Variants in TRIO observed in about 807,000 individuals in gnomAD.
The protein encoded by TRIO is trio Rho guanine nucleotide exchange factor, also known as triple functional domain protein.
In TRIO, 58 loss-of-function variants were observed where a neutral mutation model predicts 351.9. That is an observed-to-expected ratio of 0.16 (90% confidence interval 0.13 to 0.21). The LOEUF (loss-of-function observed/expected upper bound fraction) is 0.21. Among genes scored for constraint, TRIO ranks in the 10% least tolerant of loss-of-function variants. TRIO has a pLI of 1.00. For missense variants in TRIO, 3,201 were observed against 4,027.8 expected, an observed-to-expected ratio of 0.79 and a Z score of 5.56; for synonymous variants, 1,758 against 1,595.7, an observed-to-expected ratio of 1.10 and a Z score of -2.42.
chr5:14,325,450 G>A (rs924046113), intron 9 of TRIO, among the ~76,000 whole-genome samples: 7 of 152,188 alleles, frequency 4.6e-5, no homozygotes, highest in Non-Finnish European at 1.0e-4. Flanking sequence ...AGAAGCAAGA[G>A]AAAAAGGAGG....
At chr5:14,240,144 G>A (rs1794039782) in intron 1 of TRIO, among the ~76,000 whole-genome samples, 1 of 152,192 alleles carries the variant, frequency 6.6e-6, no homozygotes, top group South Asian at 2.1e-4. Flanking sequence ...AATAAAAAGA[G>A]TTAAAGGGAC....
chr5:14,378,003 T>C lies in TRIO; in HGVS notation c.3332-9T>C, dbSNP rs1287309810. The C allele has an allele frequency of 1.2e-6, 2 of 1,602,072 alleles. No individual in the cohort carries two copies. The highest frequency in any genetic ancestry group is 1.1e-5 in the South Asian group (1 of 88,668). Reference sequence around the variant, plus strand: ...GCACCAACATACATCATTTTCTTTTTTCTCTCAGATATCTTGAATGAACTC... The same window carrying C: ...GCACCAACATACATCATTTTCTTTTCTCTCTCAGATATCTTGAATGAACTC... On this transcript the variant is annotated splice_polypyrimidine_tract_variant and intron_variant, in intron 19 of 56. Transcript: ENST00000344204.
At chr5:14,163,380 A>G (rs915519167) in intron 1 of TRIO, among the ~76,000 whole-genome samples, 6 of 152,152 alleles carry the variant, frequency 3.9e-5, no homozygotes, top group Non-Finnish European at 7.3e-5. Flanking sequence ...ATAGTATTCT[A>G]TGGTGTAAAT....
At chr5:14,350,876 G>A (rs1743021755) in intron 11 of TRIO, among the ~76,000 whole-genome samples, 1 of 152,116 alleles carries the variant, frequency 6.6e-6, no homozygotes, top group African/African-American at 2.4e-5. Context: ...GTTGGTGGGG[G>A]CAGGGATGGT....
In TRIO at chr5:14,504,423, T is replaced by C. The variant is rs1757518322; in HGVS notation, c.8442T>C (p.Asp2814=). 1.2e-6 allele frequency: 2 copies of C among 1,613,982 alleles called. No homozygotes were observed. Among genetic ancestry groups the C allele is most frequent in the African/African-American group, 1.3e-5 (1 of 74,974 alleles). The change falls in exon 55 of 57, where the codon GAT becomes GAC. Residue 2814 remains aspartate (D), a synonymous_variant. Transcript: ENST00000344204. ...RGRFSVVKKC[D]QKGTKRAVAT... Reference sequence around the variant, plus strand: ...GATTCTCTGTCGTTAAGAAATGTGATCAGAAAGGAACCAAGCGAGCAGTGG... The same window carrying C: ...GATTCTCTGTCGTTAAGAAATGTGACCAGAAAGGAACCAAGCGAGCAGTGG...
chr5:14,498,210 C>T lies in TRIO; in HGVS notation c.8169C>T (p.His2723=). ...CAATTACCTGGAAGGGCCCTGAACA[C>T]AACACCTTGAACAACGATGGTCACT... ...KASITWKGPE[H]NTLNNDGHYS... Residue 2723 remains histidine, a synonymous_variant, in exon 52 of 57, where the codon CAC becomes CAT. Transcript: ENST00000344204. The T allele has an allele frequency of 6.2e-7, 1 of 1,614,244 alleles. No individual in the cohort carries two copies. Among genetic ancestry groups the T allele is most frequent in the South Asian group, 1.1e-5 (1 of 91,090 alleles).
At chr5:14,443,457 G>A (rs1158263705) in intron 34 of TRIO, among the ~76,000 whole-genome samples, 2 of 152,206 alleles carry the variant, frequency 1.3e-5, no homozygotes, top group South Asian at 2.1e-4. Context: ...TTGATTATGG[G>A]GAAATACATA....
intron 1 of TRIO, among the ~76,000 whole-genome samples, chr5:14,255,481 G>C (rs992844138): frequency 6.6e-6 from 1 of 152,326 alleles, no homozygotes; most frequent in Admixed American, 6.5e-5. Context: ...AACTCAGCAC[G>C]CACATCAATG....
In TRIO at chr5:14,406,575, A is replaced by T. The variant is rs751338228; in HGVS notation, c.4862A>T (p.Asp1621Val). 6.2e-7 allele frequency: 1 copy of T among 1,613,984 alleles called. No homozygotes were observed. Among genetic ancestry groups the T allele is most frequent in the Non-Finnish European group, 8.5e-7 (1 of 1,179,932 alleles). Residue 1621 changes from aspartate to valine, a missense_variant and splice_region_variant, in exon 33 of 57, where the codon GAT (aspartate) becomes GTT (valine). Transcript: ENST00000344204. The stretch of plus-strand genomic sequence containing the variant: ...TAAAAGTTTCTTTGCACCGCCAGGG[A>T]TGGAGAGGATCTGGACAGCCAAGGA... ...APATRQKGRRDGEDLDSQGDG... is the reference protein window; with the variant it reads ...APATRQKGRRVGEDLDSQGDG...
At chr5:14,481,167 A>T (rs1755482766) in intron 43 of TRIO, 67 bp from the exon 44 acceptor site, 1 of 1,552,974 alleles carries the variant, frequency 6.4e-7, no homozygotes, top group South Asian at 1.2e-5. Context: ...CTCTTAAAAA[A>T]AAAAATAAAA....
intron 46 of TRIO, among the ~76,000 whole-genome samples, chr5:14,484,822 A>G: frequency 6.6e-6 from 1 of 151,448 alleles, no homozygotes; most frequent in East Asian, 1.9e-4. Context: ...ACATTTGACT[A>G]CTCTAAGGAC....
intron 34 of TRIO, among the ~76,000 whole-genome samples, chr5:14,450,124 T>C (rs1032241022): frequency 2.0e-5 from 3 of 152,324 alleles, no homozygotes; most frequent in African/African-American, 7.2e-5. Flanking sequence ...AGTGTGTACA[T>C]GTGACTTCCG....
At chr5:14,352,689 A>C (rs539325854) in intron 11 of TRIO, among the ~76,000 whole-genome samples, 3 of 152,334 alleles carry the variant, frequency 2.0e-5, no homozygotes, top group South Asian at 2.1e-4. Context: ...CGAAGGGGCA[A>C]ATATTTTAAA....
At chr5:14,419,199 T>TGAGGGCA (rs145412078) in intron 33 of TRIO, among the ~76,000 whole-genome samples, 3 of 152,050 alleles carry the variant, frequency 2.0e-5, no homozygotes, top group Non-Finnish European at 1.5e-5. Context: ...AGAAGGAATC[T>TGAGGGCA]GAGGGCAGAG....
chr5:14,444,948 C>T (rs1752328299), intron 34 of TRIO, among the ~76,000 whole-genome samples: 1 of 152,186 alleles, frequency 6.6e-6, no homozygotes, highest in East Asian at 1.9e-4. Context: ...GTGGCTTTTC[C>T]TAGTTTTGGA....
rs1471080698 is a variant in TRIO, at chr5:14,486,906, A to G, written c.6836-558A>G. On this transcript the variant is annotated intron_variant, in intron 47 of 56. Transcript: ENST00000344204. ...ATTTTTCAAAGGCTTTAACACTTCA[A>G]GAGTTTGTGCATGTTTCCATACATG... Among the ~76,000 whole-genome samples the G allele has an allele frequency of 3.3e-5, 5 of 151,510 alleles. No individual in the cohort carries two copies. The South Asian group carries it at 8.3e-4, about 25-fold the overall frequency.
At chr5:14,316,979 G>T (rs1469582924) in intron 9 of TRIO, among the ~76,000 whole-genome samples, 11 of 152,176 alleles carry the variant, frequency 7.2e-5, no homozygotes, top group Non-Finnish European at 1.3e-4. Context: ...ACACTGGGAA[G>T]TTTTCTTCTA....
intron 1 of TRIO, among the ~76,000 whole-genome samples, chr5:14,157,758 T>C (rs977531084): frequency 6.6e-5 from 10 of 151,940 alleles, no homozygotes; most frequent in Non-Finnish European, 1.0e-4. Flanking sequence ...CTAATTTTTG[T>C]ATCTTTTTTT....
At chr5:14,364,503 G>A (rs970060575) in intron 14 of TRIO, 147 bp from the exon 15 acceptor site, 3 of 855,066 alleles carry the variant, frequency 3.5e-6, no homozygotes, top group Non-Finnish European at 3.7e-6. Context: ...GACACACTTT[G>A]CCCTCCTTGA....
Sources: gnomAD v4.1 joint callset for allele counts (sites outside exome capture counted in the v4.1 genomes callset) on GRCh38, gnomAD v4.1.1 for gene constraint, MANE v1.5 for transcripts, NCBI Gene and HGNC (gene_info 2026-07-23, HGNC 2026-07-21) for gene names.